Variants in FBXO41 observed in about 807,000 individuals in gnomAD.
The protein encoded by FBXO41 is F-box only protein 41.
Under a neutral mutation model 81.6 loss-of-function variants are expected in FBXO41, and 33 were observed. The observed-to-expected ratio is 0.40, with a 90% confidence interval of 0.31 to 0.54. The LOEUF (loss-of-function observed/expected upper bound fraction) is 0.54, where lower values mean the gene tolerates loss of function less well. Among genes scored for constraint, FBXO41 ranks in the 20% least tolerant of loss-of-function variants. The probability of loss-of-function intolerance (pLI) is 0.39; values close to 1 mark genes in which losing one functional copy is unlikely to be tolerated. For synonymous variants in FBXO41, 576 were observed against 552.7 expected (o/e 1.04, Z -0.59); for missense variants, 1,107 against 1,236.0 (o/e 0.90, Z 1.56).
At chr2:73,277,535 C>T (rs370278742) in intron 1 of FBXO41, among the ~76,000 whole-genome samples, 26 of 152,300 alleles carry the variant, frequency 1.7e-4, no homozygotes, top group African/African-American at 5.5e-4. Flanking sequence ...TGCCTCCAGA[C>T]CTGTGATGCT....
chr2:73,269,029 C>A lies in FBXO41; in HGVS notation c.602G>T (p.Gly201Val). The A allele has an allele frequency of 6.5e-7, 1 of 1,537,632 alleles. No homozygotes were observed. Residue 201 changes from glycine (G) to valine (V), a missense_variant, in exon 2 of 13, where the codon GGC becomes GTC. Physicochemically the swap from Gly to Val is moderately radical, Grantham distance 109 (BLOSUM62 -3). Coordinates refer to ENST00000520530, the MANE Select transcript of FBXO41 (RefSeq NM_001371389.2). This position sits in a 1 kb window ranked among gnomAD's most constrained non-coding sequence, Gnocchi z 7.0. ...CGCGCGGATCTTGAGGCGCGCCAGG[C>A]CCTCTTCGTAGGCCACATCAGCGGG... Reference protein sequence around the residue: ...PSPADVAYEEGLARLKIRALE... With the variant: ...PSPADVAYEEVLARLKIRALE...
At position 73,264,315 on chromosome 2, in the gene FBXO41, G is replaced by A. The variant is rs1436428460; in HGVS notation, c.1769C>T (p.Thr590Ile). Residue 590 changes from threonine (T) to isoleucine (I), a missense_variant, in exon 6 of 13, where the codon ACA (threonine) becomes ATA (isoleucine). Transcript: ENST00000520530. ...ACGGGCATTCTCAAGCAGCACCCTT[G>A]TCCAGACTGCGGGGTGGCGGGCCAC... ...RFVARHPAVW[T>I]RVLLENARVC... The A allele has an allele frequency of 1.2e-6, 2 of 1,613,520 alleles. No homozygotes were observed. Among genetic ancestry groups the A allele is most frequent in the Admixed American group, 3.3e-5 (2 of 60,010 alleles).
rs10185570 is a variant in FBXO41 at position 73,269,872 on chromosome 2, G to A, written c.-138-104C>T. 2.7e-3 allele frequency: 520 copies of A among 192,612 alleles called. 6 individuals are homozygous for A. The highest frequency in any genetic ancestry group is 0.012 in the African/African-American group (489 of 42,494). The allele number at this position is 192,612 out of a possible 1,614,324, so 11.9% of individuals were successfully genotyped here. A position where few individuals can be genotyped will look rare whatever the true frequency, so the allele number is the denominator to read the frequency against. ...CAGCCATGAGGAAATCAGCATTGAG[G>A]GGCAAGGGGAGACCTCCCAGAGGAG... On this transcript the variant is annotated intron_variant, in intron 1 of 12. Transcript: ENST00000520530. This position sits in a 1 kb window ranked among gnomAD's most constrained non-coding sequence, Gnocchi z 7.0.
Position 73,260,429 on chromosome 2 carries a change from C to T in FBXO41, c.2409G>A (p.Thr803=), listed in dbSNP as rs767756559. 1.3e-5 allele frequency: 21 copies of T among 1,611,194 alleles called. No individual in the cohort carries two copies. The highest frequency in any genetic ancestry group is 1.7e-5 in the Admixed American group (1 of 59,740). The change falls in exon 11 of 13, where the codon ACG becomes ACA. Residue 803 remains threonine (T), a synonymous_variant. Coordinates refer to ENST00000520530, the MANE Select transcript of FBXO41 (RefSeq NM_001371389.2). The surrounding 1 kb of genome is among the most constrained non-coding windows in gnomAD (Gnocchi z 5.0). ...GLKGLEMLVL[T]ATPVTPKALL... ...GGGCCTTAGGGGTGACGGGAGTCGC[C>T]GTGAGCACCAGCATCTCCAGTCCCT...
intron 1 of FBXO41, among the ~76,000 whole-genome samples, chr2:73,280,910 A>T (rs1305282026): frequency 2.0e-5 from 3 of 152,260 alleles, no homozygotes; most frequent in African/African-American, 7.2e-5. Context: ...GATTGACTTC[A>T]TGTAACCAAA....
chr2:73,279,611 G>A lies in FBXO41; in HGVS notation c.-139+4549C>T, dbSNP rs1223810117. Among the ~76,000 whole-genome samples, 6 of 152,156 alleles carry A rather than the reference G, an allele frequency of 3.9e-5. No homozygotes were observed. In the East Asian group the frequency reaches 1.2e-3, roughly 29 times the overall value. ...AATAATGTTGAAAACTCAAGTAAGA[G>A]CAGAAGAGGGAAGGGCCCACTGGGG... On this transcript the variant is annotated intron_variant, in intron 1 of 12. Transcript: ENST00000520530.
At position 73,266,562 on chromosome 2, in the gene FBXO41, C is replaced by T; in HGVS notation, c.1026G>A (p.Gln342=). 1 of 1,610,354 alleles carries T rather than the reference C, an allele frequency of 6.2e-7. No homozygotes were observed. Reference sequence around the variant, plus strand: ...CACAGCTGCTGCTGATGACCTGCAGCTGCCGCTCGGCACGGTCAGCCCGCT... The same window carrying T: ...CACAGCTGCTGCTGATGACCTGCAGTTGCCGCTCGGCACGGTCAGCCCGCT... ...LLERADRAER[Q]LQVISSSCGS... The change falls in exon 3 of 13, where the codon CAG becomes CAA. Residue 342 remains glutamine, a synonymous_variant. Coordinates refer to ENST00000520530, the MANE Select transcript of FBXO41 (RefSeq NM_001371389.2). The surrounding 1 kb of genome is among the most constrained non-coding windows in gnomAD (Gnocchi z 5.3).
intron 1 of FBXO41, among the ~76,000 whole-genome samples, chr2:73,281,786 A>G (rs1373003724): frequency 6.6e-6 from 1 of 152,236 alleles, no homozygotes; most frequent in East Asian, 1.9e-4. Flanking sequence ...AAGGAATAAT[A>G]AATCGCTGTT....
At chr2:73,265,060 A>G (rs982328365) in intron 5 of FBXO41, among the ~76,000 whole-genome samples, 2 of 152,060 alleles carry the variant, frequency 1.3e-5, no homozygotes, top group Non-Finnish European at 2.9e-5. Flanking sequence ...TACCACGTGA[A>G]TGGCCCCCCT....
chr2:73,265,823 C>A, intron 4 of FBXO41, 70 bp downstream of exon 4: 1 of 1,518,336 alleles, frequency 6.6e-7, no homozygotes, highest in Non-Finnish European at 8.9e-7. Flanking sequence ...TGACACAAGC[C>A]CCAGACAGGC....
rs1385447183 is a variant in FBXO41, at chr2:73,284,475, A to G, written c.-454T>C. ...GGGAAGGGGGAGGGAGGCAGCACCG[A>G]GGTGGGGCGGAGCCGGCCCCTCCTC... On this transcript the variant is annotated 5_prime_UTR_variant, in exon 1 of 13. Transcript: ENST00000520530. The surrounding 1 kb of genome is among the most constrained non-coding windows in gnomAD (Gnocchi z 7.4). The G allele has an allele frequency of 6.6e-6, 1 of 151,566 alleles. No homozygotes were observed. Among genetic ancestry groups the G allele is most frequent in the African/African-American group, 2.4e-5 (1 of 41,082 alleles). 9.4% of individuals were successfully genotyped at this position (151,566 alleles called of 1,614,324 possible).
Position 73,284,206 on chromosome 2 carries a change from G to A in FBXO41, c.-185C>T, listed in dbSNP as rs1688928701. On this transcript the variant is annotated 5_prime_UTR_variant, in exon 1 of 13. Coordinates refer to ENST00000520530, the MANE Select transcript of FBXO41 (RefSeq NM_001371389.2). The surrounding 1 kb of genome is among the most constrained non-coding windows in gnomAD (Gnocchi z 7.4). ...CCAGGCCCAGCGGCCCAGGGCTGGG[G>A]ACGCAGAAGAGCCCCCGCGTGCCCG... 1 of 152,266 alleles carries A rather than the reference G, an allele frequency of 6.6e-6. No individual in the cohort carries two copies. The highest frequency in any genetic ancestry group is 2.1e-4 in the South Asian group (1 of 4,832). 9.4% of individuals were successfully genotyped at this position (152,266 alleles called of 1,614,324 possible).
intron 1 of FBXO41, among the ~76,000 whole-genome samples, chr2:73,283,261 A>C (rs1320232523): frequency 6.6e-6 from 1 of 152,134 alleles, no homozygotes; most frequent in Admixed American, 6.5e-5. Flanking sequence ...CTGGCTCTCC[A>C]CACCTGTGGC....
At chr2:73,282,116 TC>T in intron 1 of FBXO41, among the ~76,000 whole-genome samples, 1 of 152,332 alleles carries the variant, frequency 6.6e-6, no homozygotes, top group East Asian at 1.9e-4. Flanking sequence ...TGCCTCAGTC[TC>T]CTAAGTAGCT....
In FBXO41 at chr2:73,265,875, G is replaced by T. The variant is rs1296640250; in HGVS notation, c.1205+18C>A. ...GGTGAGGGTGGGCTGCATGGGGTGG[G>T]CTGGGCCCAAGGCTTACCCTGTGCT... is the stretch of plus-strand genomic sequence containing the variant. On this transcript the variant is annotated intron_variant, in intron 4 of 12. Transcript: ENST00000520530. The T allele has an allele frequency of 6.4e-7, 1 of 1,573,288 alleles. No homozygotes were observed.
At chr2:73,261,013 G>T (rs1442610531) in intron 9 of FBXO41, among the ~76,000 whole-genome samples, 155 bp from the exon 10 acceptor site, 1 of 151,086 alleles carries the variant, frequency 6.6e-6, no homozygotes, top group Non-Finnish European at 1.5e-5. Flanking sequence ...TGACTCCTCT[G>T]CCCTCATCTC....
In FBXO41 at chr2:73,263,113, C is replaced by T. The variant is rs958830115; in HGVS notation, c.2171+100G>A. 3.9e-5 allele frequency: 36 copies of T among 919,620 alleles called. No individual in the cohort carries two copies. The African/African-American group carries it at 6.0e-4, about 15-fold the overall frequency. 57.0% of individuals were successfully genotyped at this position (919,620 alleles called of 1,614,324 possible). On this transcript the variant is annotated intron_variant, in intron 9 of 12. Transcript: ENST00000520530. ...ACAGATTAATGTGTGTGGATCTGTC[C>T]TAATAGCTTGTGGAATGGGCTCAGA...
Position 73,265,971 on chromosome 2 carries a change from G to T in FBXO41, c.1132-5C>A. ...CGGGCCCACGTGGTGTTCTCGCTGT[G>T]GGCCCCCAGAGCAGGAGGTAAAGGA... On this transcript the variant is annotated splice_region_variant and splice_polypyrimidine_tract_variant and intron_variant, in intron 3 of 12. Transcript: ENST00000520530. The T allele has an allele frequency of 6.4e-7, 1 of 1,568,420 alleles. No homozygotes were observed. Among genetic ancestry groups the T allele is most frequent in the Non-Finnish European group, 8.7e-7 (1 of 1,155,700 alleles).
chr2:73,270,944 GCCGATACTGTTGACCCCT>G (rs1367646300), intron 1 of FBXO41: 1 of 533,304 alleles, frequency 1.9e-6, no homozygotes, highest in Non-Finnish European at 3.9e-6. Flanking sequence ...TGGTCCCATG[GCCGATACTGTTGACCCCT>G]CCATCTTCAC....
Sources: gnomAD v4.1 joint callset for allele counts (sites outside exome capture counted in the v4.1 genomes callset) on GRCh38, gnomAD v4.1.1 for gene constraint, Gnocchi (gnomAD v3.1) non-coding constraint, MANE v1.5 for transcripts, NCBI Gene and HGNC (gene_info 2026-07-23, HGNC 2026-07-21) for gene names.